KLF8: variants seen among roughly 807,000 people sequenced by gnomAD.
KLF8 encodes Krueppel-like factor 8.
Under a neutral mutation model 18.2 loss-of-function variants are expected in KLF8, and 10 were observed. The observed-to-expected ratio is 0.55, with a 90% confidence interval of 0.34 to 0.93. KLF8 has a LOEUF of 0.93. Among genes scored for constraint, KLF8 ranks in the 40% least tolerant of loss-of-function variants. The pLI is 0.02. For missense variants in KLF8, 264 were observed against 277.9 expected (o/e 0.95, Z 0.36); for synonymous variants, 109 against 97.3 (o/e 1.12, Z -0.71).
the KLF8 span, among the ~76,000 whole-genome samples, chrX:55,947,995 A>C: frequency 1.8e-5 from 2 of 112,119 alleles, no homozygotes; most frequent in South Asian, 7.4e-4. Flanking sequence ...TATGTATTTT[A>C]CTCAGTATAT....
chrX:56,205,223 TTTC>T, the KLF8 span, among the ~76,000 whole-genome samples: 2 of 111,554 alleles, frequency 1.8e-5, no homozygotes, highest in East Asian at 5.6e-4. Context: ...GGATGTATTT[TTTC>T]TTAAGAAGCA....
the KLF8 span, among the ~76,000 whole-genome samples, chrX:56,068,884 A>C: frequency 8.9e-6 from 1 of 112,313 alleles, no homozygotes; most frequent in African/African-American, 3.2e-5. Context: ...TGCTTGCTAG[A>C]GCTTATAGGC....
chrX:56,213,765 T>C, the KLF8 span, among the ~76,000 whole-genome samples: 1 of 111,657 alleles, frequency 9.0e-6, no homozygotes, highest in Non-Finnish European at 1.9e-5. Context: ...GTCAGCACTC[T>C]TTTAGCTTTG....
At chrX:56,204,266 A>T in the KLF8 span, among the ~76,000 whole-genome samples, 1 of 111,625 alleles carries the variant, frequency 9.0e-6, no homozygotes, top group African/African-American at 3.3e-5. Context: ...TTGTATGTTG[A>T]TTTAGTATAC....
chrX:55,969,093 T>C, the KLF8 span, among the ~76,000 whole-genome samples: 2 of 112,074 alleles, frequency 1.8e-5, no homozygotes, highest in African/African-American at 3.2e-5. Flanking sequence ...ATCTGGACTA[T>C]AGACCAAATG....
the KLF8 span, among the ~76,000 whole-genome samples, chrX:55,934,836 G>A: frequency 3.1e-4 from 35 of 112,395 alleles, no homozygotes; most frequent in African/African-American, 1.1e-3. Flanking sequence ...GTGGGGAATG[G>A]TGAGGCTCCT....
intron 2 of KLF8, among the ~76,000 whole-genome samples, chrX:56,259,266 T>A (rs952537339): frequency 4.5e-5 from 5 of 111,303 alleles, no homozygotes; most frequent in African/African-American, 1.6e-4. Flanking sequence ...CCTAAATTAT[T>A]CTGCATGCAT....
the KLF8 span, among the ~76,000 whole-genome samples, chrX:56,098,727 G>A: frequency 3.4e-4 from 38 of 111,189 alleles, no homozygotes; most frequent in Admixed American, 2.1e-3. Flanking sequence ...ATTGGAAGTC[G>A]TAGCCAGAGG....
chrX:56,041,366 C>G, the KLF8 span, among the ~76,000 whole-genome samples: 1 of 111,495 alleles, frequency 9.0e-6, no homozygotes, highest in African/African-American at 3.3e-5. Context: ...TCAGGTGATC[C>G]ACCCGCCCAA....
the KLF8 span, among the ~76,000 whole-genome samples, chrX:55,965,578 A>G: frequency 2.7e-5 from 3 of 112,197 alleles, no homozygotes; most frequent in African/African-American, 9.7e-5. Context: ...CTAAATAGGA[A>G]GAGAGGAAGT....
At chrX:56,107,967 G>A in the KLF8 span, among the ~76,000 whole-genome samples, 3 of 111,347 alleles carry the variant, frequency 2.7e-5, no homozygotes, top group Non-Finnish European at 5.7e-5. Flanking sequence ...GTATTCTTTT[G>A]AATATTATTG....
At chrX:56,047,788 G>A in the KLF8 span, among the ~76,000 whole-genome samples, 1 of 111,238 alleles carries the variant, frequency 9.0e-6, no homozygotes, top group Non-Finnish European at 1.9e-5. Context: ...CCTAGTAATG[G>A]GATGGCTGGG....
intron 1 of KLF8, among the ~76,000 whole-genome samples, chrX:56,247,577 A>C (rs1273632581): frequency 8.9e-6 from 1 of 111,760 alleles, no homozygotes; most frequent in Non-Finnish European, 1.9e-5. Flanking sequence ...TTATTTTATA[A>C]GCTTTTTTCT....
the KLF8 span, among the ~76,000 whole-genome samples, chrX:56,080,942 G>A: frequency 9.1e-6 from 1 of 110,133 alleles, no homozygotes; most frequent in Non-Finnish European, 1.9e-5. Flanking sequence ...TGATTGCATC[G>A]GCTCCTGAGG....
At chrX:56,081,250 T>C in the KLF8 span, among the ~76,000 whole-genome samples, 1 of 111,507 alleles carries the variant, frequency 9.0e-6, no homozygotes. Context: ...AGTTTTTCTG[T>C]TCTGTTTTTT....
At chrX:56,131,428 C>A in the KLF8 span, among the ~76,000 whole-genome samples, 3 of 111,400 alleles carry the variant, frequency 2.7e-5, no homozygotes, top group African/African-American at 9.8e-5. Context: ...CTTTTTCAGA[C>A]AAACAAATGC....
the KLF8 span, among the ~76,000 whole-genome samples, chrX:56,203,926 T>C: frequency 9.0e-6 from 1 of 111,686 alleles, no homozygotes. Context: ...TGGTTCCATA[T>C]GCATTTTGGA....
At chrX:56,221,067 T>C in the KLF8 span, among the ~76,000 whole-genome samples, 1 of 112,309 alleles carries the variant, frequency 8.9e-6, no homozygotes, top group Non-Finnish European at 1.9e-5. Context: ...TATACTTCCT[T>C]ACTTGCACAT....
the KLF8 span, among the ~76,000 whole-genome samples, chrX:55,963,552 C>T: frequency 9.4e-6 from 1 of 106,934 alleles, no homozygotes; most frequent in African/African-American, 3.8e-5. Flanking sequence ...AGACACTCCC[C>T]CTCTGAAAAT....
Sources: allele counts gnomAD v4.1 joint callset (sites outside exome capture counted in the v4.1 genomes callset), GRCh38; gene constraint gnomAD v4.1.1; transcripts MANE v1.5; gene names NCBI Gene and HGNC (gene_info 2026-07-23, HGNC 2026-07-21).